Variants in RBKS observed in about 807,000 individuals in gnomAD.
RBKS encodes ribokinase.
A neutral mutation model predicts 33.9 loss-of-function variants in RBKS; 33 were observed. The observed-to-expected ratio is 0.97, with a 90% CI of 0.74 to 1.30. The LOEUF is 1.30. Among genes scored for constraint, RBKS ranks in the 50% most tolerant of loss-of-function variants. The pLI, the probability that RBKS is intolerant of heterozygous loss-of-function variation, is 0.00. For synonymous variants in RBKS, 125 were observed against 143.0 expected, an observed-to-expected ratio of 0.87 and a Z score of 0.90; for missense variants, 361 against 392.6, an observed-to-expected ratio of 0.92 and a Z score of 0.68.
At chr2:27,826,859 A>T (rs1678322888) in intron 7 of RBKS, among the ~76,000 whole-genome samples, 4 of 152,192 alleles carry the variant, frequency 2.6e-5, no homozygotes, top group Non-Finnish European at 5.9e-5. Context: ...TACCTTACAT[A>T]AAAAATGTCT....
At chr2:27,799,898 A>G (rs954281193) in intron 7 of RBKS, among the ~76,000 whole-genome samples, 13 of 152,192 alleles carry the variant, frequency 8.5e-5, no homozygotes, top group African/African-American at 3.1e-4. Context: ...TCTTGCCTGC[A>G]GGAGGCTGAG....
Position 27,869,383 on chromosome 2 carries a change from T to C in RBKS, c.90-10812A>G, listed in dbSNP as rs188622373. ...TTTAACTTTTCTTCTTAAACCCGAG[T>C]GCAGTATTCTTTATGTAACCTATAG... On this transcript the variant is annotated intron_variant, in intron 1 of 7. Transcript: ENST00000302188. Among the ~76,000 whole-genome samples the C allele has an allele frequency of 3.5e-3, 538 of 152,264 alleles. 1 individual carries two copies. The highest frequency in any genetic ancestry group is 5.7e-3 in the Non-Finnish European group (387 of 68,018).
At chr2:27,872,110 G>T (rs1006097940) in intron 1 of RBKS, among the ~76,000 whole-genome samples, 5 of 152,304 alleles carry the variant, frequency 3.3e-5, no homozygotes, top group South Asian at 2.1e-4. Context: ...TTGCTCACTT[G>T]CCTGCCACTC....
intron 1 of RBKS, among the ~76,000 whole-genome samples, chr2:27,874,179 A>C (rs191898680): frequency 6.6e-6 from 1 of 152,364 alleles, no homozygotes; most frequent in East Asian, 1.9e-4. Context: ...AAAGTACTAA[A>C]AAGTGATTAA....
intron 1 of RBKS, among the ~76,000 whole-genome samples, chr2:27,859,750 T>C (rs1403203637): frequency 6.6e-6 from 1 of 152,138 alleles, no homozygotes; most frequent in Non-Finnish European, 1.5e-5. Context: ...AAGAGGTAAG[T>C]TCACAATGGT....
intron 6 of RBKS, among the ~76,000 whole-genome samples, chr2:27,831,158 TGA>T (rs1160028039): frequency 6.7e-6 from 1 of 148,570 alleles, no homozygotes; most frequent in Non-Finnish European, 1.5e-5. Context: ...ATGCAAAAAC[TGA>T]GAGTGACAAT....
intron 1 of RBKS, among the ~76,000 whole-genome samples, chr2:27,877,583 C>A (rs900931449): frequency 6.6e-6 from 1 of 152,040 alleles, no homozygotes; most frequent in East Asian, 1.9e-4. Context: ...CCCTGCCCCC[C>A]CAATAAAAGT....
rs377339143 is a variant in RBKS at position 27,832,762 on chromosome 2, T to C, written c.530A>G (p.Asn177Ser). 1.1e-5 allele frequency: 17 copies of C among 1,610,808 alleles called. No homozygotes were observed. The South Asian group carries it at 1.1e-4, about 10-fold the overall frequency. ...ARRSGVKTLF[N>S]PAPAIADLDP... ...CAGGTCAGCAATGGCAGGGGCTGGA[T>C]TGAACAAGGTTTTCACTACAAAGGA... Residue 177 changes from asparagine (N) to serine (S), a missense_variant, in exon 6 of 8, where the codon AAT becomes AGT. By Grantham distance (46) the Asn-to-Ser change is conservative. Transcript: ENST00000302188.
At chr2:27,781,939 C>T (rs1415104385) in intron 7 of RBKS, 151 bp from the exon 8 acceptor site, 1 of 584,404 alleles carries the variant, frequency 1.7e-6, no homozygotes, top group Non-Finnish European at 2.9e-6. Flanking sequence ...TACTCAGACC[C>T]AGTTCTGTTA....
rs1157198324 is a variant in RBKS at position 27,795,685 on chromosome 2, AC to A, written c.796-13898del. ...GGTAAATGGCAGAGCTGCACTTTGT[AC>A]CCAGACCCAGTGATTCCGCTCCCAT... is the stretch of plus-strand genomic sequence containing the variant. On this transcript the variant is annotated intron_variant, in intron 7 of 7. Transcript: ENST00000302188. The surrounding 1 kb of genome is among the most constrained non-coding windows in gnomAD (Gnocchi z 4.1). 7.2e-5 allele frequency among the ~76,000 whole-genome samples: 11 copies of A among 152,142 alleles called. No homozygotes were observed. Among genetic ancestry groups the A allele is most frequent in the African/African-American group, 2.2e-4 (9 of 41,428 alleles).
At chr2:27,804,866 A>C (rs573010402) in intron 7 of RBKS, among the ~76,000 whole-genome samples, 7 of 152,278 alleles carry the variant, frequency 4.6e-5, no homozygotes, top group Admixed American at 4.6e-4. Context: ...CTCTACAAAA[A>C]AATGCAAAAC....
intron 7 of RBKS, among the ~76,000 whole-genome samples, chr2:27,792,209 C>T (rs749361714): frequency 6.6e-6 from 1 of 152,200 alleles, no homozygotes; most frequent in Non-Finnish European, 1.5e-5. Context: ...CACCTCTGCT[C>T]TTCCAGTCTA....
In RBKS at chr2:27,827,761, A is replaced by G; in HGVS notation, c.607-6T>C. 6.3e-7 allele frequency: 1 copy of G among 1,578,964 alleles called. No individual in the cohort carries two copies. Among genetic ancestry groups the G allele is most frequent in the African/African-American group, 1.4e-5 (1 of 72,880 alleles). On this transcript the variant is annotated splice_polypyrimidine_tract_variant and splice_region_variant and intron_variant, in intron 6 of 7. Transcript: ENST00000302188. The stretch of plus-strand genomic sequence containing the variant: ...AGGCCAGTTAAAATCTCAGCCTAGA[A>G]TACACAAAAGTCAACAGAAACAGTG...
intron 1 of RBKS, among the ~76,000 whole-genome samples, chr2:27,879,961 G>A (rs981046214): frequency 1.3e-5 from 2 of 152,068 alleles, no homozygotes; most frequent in Non-Finnish European, 2.9e-5. Flanking sequence ...AAAAACTGAG[G>A]AGGAGGGACT....
intron 7 of RBKS, among the ~76,000 whole-genome samples, chr2:27,806,337 C>A (rs929970480): frequency 6.6e-6 from 1 of 152,174 alleles, no homozygotes; most frequent in Admixed American, 6.5e-5. Context: ...GTATATCTGG[C>A]CAGGGAAATG....
chr2:27,791,963 T>C (rs1677535535), intron 7 of RBKS, among the ~76,000 whole-genome samples: 1 of 152,144 alleles, frequency 6.6e-6, no homozygotes, highest in Non-Finnish European at 1.5e-5. Context: ...AATCTTATTG[T>C]ATAAAAATTA....
At chr2:27,865,180 C>T (rs957659699) in intron 1 of RBKS, among the ~76,000 whole-genome samples, 11 of 152,116 alleles carry the variant, frequency 7.2e-5, no homozygotes, top group African/African-American at 2.4e-4. Context: ...ATTAGCCAGG[C>T]GTGGTGGCAG....
chr2:27,858,553 T>C lies in RBKS; in HGVS notation c.108A>G (p.Pro36=), dbSNP rs773408935. 1.9e-6 allele frequency: 3 copies of C among 1,613,484 alleles called. No individual in the cohort carries two copies. The highest frequency in any genetic ancestry group is 2.2e-5 in the East Asian group (1 of 44,882). Residue 36 remains proline, a synonymous_variant, in exon 2 of 8, where the codon CCA becomes CCG. Transcript: ENST00000302188. ...TDLVSLTSRL[P]KTGETIHGHK... ...GTCCATGGATGGTTTCTCCAGTTTT[T>C]GGCAAACGAGAAGTAAGACTATTGT...
intron 7 of RBKS, among the ~76,000 whole-genome samples, chr2:27,783,343 G>A (rs1342707131): frequency 6.6e-6 from 1 of 152,124 alleles, no homozygotes; most frequent in Non-Finnish European, 1.5e-5. Flanking sequence ...CCCTGCCCTA[G>A]CCCTAGAATT....
Sources: allele counts gnomAD v4.1 joint callset (sites outside exome capture counted in the v4.1 genomes callset), GRCh38; gene constraint gnomAD v4.1.1; non-coding constraint Gnocchi (gnomAD v3.1); transcripts MANE v1.5; gene names NCBI Gene and HGNC (gene_info 2026-07-23, HGNC 2026-07-21).